Variants in PTK2B observed in about 807,000 individuals in gnomAD.
PTK2B encodes the protein protein-tyrosine kinase 2-beta.
Under a neutral mutation model 142.9 loss-of-function variants are expected in PTK2B, and 71 were observed. The observed-to-expected ratio is 0.50, with a 90% confidence interval of 0.41 to 0.61. The LOEUF is 0.61. PTK2B is among the 20% of genes least tolerant of loss of function. PTK2B has a pLI of 0.00. For missense variants in PTK2B, 1,105 were observed against 1,320.4 expected (o/e 0.84, Z 2.53); for synonymous variants, 519 against 503.4 (o/e 1.03, Z -0.42).
At chr8:27,348,246 C>A (rs1734065753) in intron 1 of PTK2B, among the ~76,000 whole-genome samples, 2 of 152,236 alleles carry the variant, frequency 1.3e-5, no homozygotes, top group African/African-American at 4.8e-5. Flanking sequence ...TAAGCCAAAT[C>A]TGGCCCTTTT....
chr8:27,344,029 AAAAT>A (rs1804571187), intron 1 of PTK2B, among the ~76,000 whole-genome samples: 2 of 152,110 alleles, frequency 1.3e-5, no homozygotes, highest in Admixed American at 1.3e-4. Flanking sequence ...AAAAAATAAA[AAAAT>A]AAAAATTTTT....
intron 2 of PTK2B, 126 bp downstream of exon 2, chr8:27,397,914 C>A: frequency 8.3e-7 from 1 of 1,202,848 alleles, no homozygotes; most frequent in Non-Finnish European, 1.2e-6. Flanking sequence ...GGTGAGGTGG[C>A]ATCAGAGAGA....
chr8:27,370,958 C>G (rs1806318306), intron 1 of PTK2B, among the ~76,000 whole-genome samples: 1 of 151,924 alleles, frequency 6.6e-6, no homozygotes, highest in Admixed American at 6.6e-5. Flanking sequence ...AGCAGTGGTG[C>G]AGTCTCGGCT....
chr8:27,420,032 G>T lies in PTK2B; in HGVS notation c.342G>T (p.Val114=). The change falls in exon 3 of 31, where the codon GTG becomes GTT. Residue 114 remains valine, a synonymous_variant. Transcript: ENST00000346049. ...WLHPQMTVGE[V]QDKYECLHVE... is the part of the protein sequence containing the mutation. ...ACCCACAGATGACGGTGGGTGAGGTGCAGGACAAGTATGAGTGTCTGCACG... is the reference window on the plus strand; with the variant it reads ...ACCCACAGATGACGGTGGGTGAGGTTCAGGACAAGTATGAGTGTCTGCACG... 1 of 1,614,210 alleles carries T rather than the reference G, an allele frequency of 6.2e-7. No individual in the cohort carries two copies. Among genetic ancestry groups the T allele is most frequent in the Non-Finnish European group, 8.5e-7 (1 of 1,180,038 alleles).
rs532280704 is a variant in PTK2B at position 27,372,239 on chromosome 8, T to TC, written c.-37-25305dup. Among the ~76,000 whole-genome samples, 155 of 152,266 alleles carry TC rather than the reference T, an allele frequency of 1.0e-3. 1 individual carries two copies. Among genetic ancestry groups the TC allele is most frequent in the African/African-American group, 3.3e-3 (138 of 41,542 alleles). ...TTAAAGGGAGTGTATTAGTCCAAGT[T>TC]CCCCAGAGAAACAGAACAGACAAGA... On this transcript the variant is annotated intron_variant, in intron 1 of 30. Coordinates refer to ENST00000346049, the MANE Select transcript of PTK2B (RefSeq NM_173176.3).
intron 2 of PTK2B, among the ~76,000 whole-genome samples, chr8:27,412,090 G>A (rs77887723): frequency 0.017 from 2,558 of 152,324 alleles, 29 homozygotes; most frequent in Middle Eastern, 0.048. Flanking sequence ...AACAAGATGT[G>A]CATCACCAAC....
intron 25 of PTK2B, 21 bp from the exon 26 acceptor site, chr8:27,451,022 C>T (rs762847400): frequency 8.1e-6 from 13 of 1,611,824 alleles, no homozygotes; most frequent in Non-Finnish European, 1.1e-5. Flanking sequence ...TAGTCCTTCG[C>T]TCTTGTTTCT....
In PTK2B at chr8:27,442,864, A is replaced by T; in HGVS notation, c.2040-11A>T. 1.2e-6 allele frequency: 2 copies of T among 1,608,422 alleles called. No individual in the cohort carries two copies. The highest frequency in any genetic ancestry group is 1.7e-6 in the Non-Finnish European group (2 of 1,174,960). Reference sequence around the variant, plus strand: ...CTAGTTTCTCTCCTTATCTGACGTGACTCCCTGCAGTGACGTTTATCAGAT... The same window carrying T: ...CTAGTTTCTCTCCTTATCTGACGTGTCTCCCTGCAGTGACGTTTATCAGAT... On this transcript the variant is annotated splice_polypyrimidine_tract_variant and intron_variant, in intron 21 of 30. Transcript: ENST00000346049.
At chr8:27,437,328 G>A (rs982549815) in intron 16 of PTK2B, 68 bp from the exon 17 acceptor site, 9 of 1,553,660 alleles carry the variant, frequency 5.8e-6, no homozygotes, top group East Asian at 2.3e-5. Context: ...AGCTAGAAGA[G>A]CAAAGGCCTT....
chr8:27,440,462 G>T lies in PTK2B; in HGVS notation c.2039+21G>T, dbSNP rs138674747. On this transcript the variant is annotated intron_variant, in intron 21 of 30. Transcript: ENST00000346049. The stretch of plus-strand genomic sequence containing the variant: ...CTCAGGTGAGCATGGAGTGTGGGCT[G>T]TGGGCTGGGGGCCCACCCGGCTGCA... The T allele has an allele frequency of 1.2e-3, 1,988 of 1,611,188 alleles. 11 individuals are homozygous for T. In the African/African-American group the frequency reaches 0.018, roughly 15 times the overall value.
chr8:27,338,700 T>C (rs537646162), intron 1 of PTK2B, among the ~76,000 whole-genome samples: 331 of 152,358 alleles, frequency 2.2e-3, no homozygotes, highest in African/African-American at 7.6e-3. Flanking sequence ...AAACAGTATA[T>C]TGTTGTTCAA....
rs779445276 is a variant in PTK2B at position 27,450,764 on chromosome 8, C to T, written c.2356C>T (p.Gln786Ter). The T allele has an allele frequency of 6.2e-7, 1 of 1,614,204 alleles. No individual in the cohort carries two copies. The highest frequency in any genetic ancestry group is 8.5e-7 in the Non-Finnish European group (1 of 1,180,028). ...RHSMREEDFIQPSSREEAQQL... is the reference protein window; with the variant it reads ...RHSMREEDFI ...GTCCTCCCAGGAGGAGGACTTCATC[C>T]AACCCAGCAGCCGAGAAGAGGCCCA... The change falls in exon 25 of 31, where the codon CAA becomes TAA. Residue 786 changes from glutamine (Q) to a stop codon, truncating the protein, a stop_gained. Transcript: ENST00000346049. LOFTEE classifies it high-confidence loss of function.
intron 1 of PTK2B, among the ~76,000 whole-genome samples, chr8:27,338,271 T>C (rs1804195851): frequency 6.6e-6 from 1 of 152,248 alleles, no homozygotes; most frequent in South Asian, 2.1e-4. Flanking sequence ...TTTTAAAGGT[T>C]TGTTTACAAC....
At chr8:27,407,020 A>G (rs932424837) in intron 2 of PTK2B, among the ~76,000 whole-genome samples, 2 of 152,126 alleles carry the variant, frequency 1.3e-5, no homozygotes, top group Admixed American at 1.3e-4. Flanking sequence ...TCCCTCCTCA[A>G]TCTCAGCGTG....
chr8:27,454,694 C>G (rs1812040805), intron 30 of PTK2B, 83 bp downstream of exon 30: 2 of 1,411,854 alleles, frequency 1.4e-6, no homozygotes, highest in Non-Finnish European at 2.0e-6. Context: ...TGATGGCTGC[C>G]TGGGCAACCT....
chr8:27,404,325 C>G (rs964996912), intron 2 of PTK2B, among the ~76,000 whole-genome samples: 1 of 152,188 alleles, frequency 6.6e-6, no homozygotes, highest in African/African-American at 2.4e-5. Flanking sequence ...AGATATTCAT[C>G]TGGGGTATGG....
chr8:27,401,623 T>A (rs1169676899), intron 2 of PTK2B, among the ~76,000 whole-genome samples: 1 of 152,222 alleles, frequency 6.6e-6, no homozygotes, highest in Middle Eastern at 3.2e-3. Flanking sequence ...GGTTTGAGAC[T>A]AAGAATTGCT....
intron 27 of PTK2B, chr8:27,452,714 C>A (rs1811894175): frequency 4.6e-6 from 1 of 217,328 alleles, no homozygotes; most frequent in Non-Finnish European, 9.0e-6. Flanking sequence ...CACAAATTTA[C>A]CCCATGAGCT....
intron 2 of PTK2B, among the ~76,000 whole-genome samples, chr8:27,405,702 G>A (rs968135873): frequency 3.3e-5 from 5 of 152,196 alleles, no homozygotes; most frequent in South Asian, 2.1e-4. Flanking sequence ...GGATCTCCAC[G>A]CCCACATTCA....
Sources: allele counts gnomAD v4.1 joint callset (sites outside exome capture counted in the v4.1 genomes callset), GRCh38; gene constraint gnomAD v4.1.1; transcripts MANE v1.5; gene names NCBI Gene and HGNC (gene_info 2026-07-23, HGNC 2026-07-21).